The following APBB2 variants were observed in gnomAD, a reference collection of about 807,000 sequenced individuals.
APBB2 encodes Fe65-like 1.
Under a neutral mutation model 82.5 loss-of-function variants are expected in APBB2, and 38 were observed. The observed-to-expected ratio is 0.46, with a 90% CI of 0.36 to 0.60. The LOEUF is 0.60. Ranked by LOEUF, APBB2 falls within the 20% of genes least tolerant of loss-of-function variation. The pLI, the probability that APBB2 is intolerant of heterozygous loss-of-function variation, is 0.00. For missense variants in APBB2, 772 were observed against 972.3 expected, an observed-to-expected ratio of 0.79 and a Z score of 2.74; for synonymous variants, 341 against 368.2, an observed-to-expected ratio of 0.93 and a Z score of 0.85.
intron 5 of APBB2, among the ~76,000 whole-genome samples, chr4:41,017,791 A>T (rs993954164): frequency 6.6e-6 from 1 of 152,222 alleles, no homozygotes; most frequent in Non-Finnish European, 1.5e-5. Flanking sequence ...GAGAGGAAAG[A>T]GACTAAGAAG....
At chr4:40,958,257 G>A (rs752961425) in intron 6 of APBB2, among the ~76,000 whole-genome samples, 6 of 152,110 alleles carry the variant, frequency 3.9e-5, no homozygotes, top group Admixed American at 2.0e-4. Flanking sequence ...TTTCTAACTA[G>A]TGATATTAAA....
chr4:40,954,051 C>T (rs990882472), intron 6 of APBB2, among the ~76,000 whole-genome samples: 8 of 152,136 alleles, frequency 5.3e-5, no homozygotes, highest in African/African-American at 1.7e-4. Flanking sequence ...CCACCTCAGG[C>T]GCCAGGGCTA....
chr4:40,830,493 A>T lies in APBB2; in HGVS notation c.1614T>A (p.Ile538=). The change falls in exon 13 of 18, where the codon ATT becomes ATA. Residue 538 remains isoleucine, a synonymous_variant. Coordinates refer to ENST00000508593, the MANE Select transcript of APBB2 (RefSeq NM_004307.2). ...AGCAGATCTCGTGGAGACTTGTGGCAATGGCTTTTGCTGGTGTGTCACATC... is the reference window on the plus strand; with the variant it reads ...AGCAGATCTCGTGGAGACTTGTGGCTATGGCTTTTGCTGGTGTGTCACATC... ...VFRCDTPAKA[I]ATSLHEICSK... 2 of 1,614,136 alleles carry T rather than the reference A, an allele frequency of 1.2e-6. No individual in the cohort carries two copies. Among genetic ancestry groups the T allele is most frequent in the Non-Finnish European group, 1.7e-6 (2 of 1,179,994 alleles).
At position 40,979,180 on chromosome 4, in the gene APBB2, A is replaced by C. The variant is rs116581022; in HGVS notation, c.836-34107T>G. ...TCTGCTTAACAACATGTCTCAAAAA[A>C]GCTGTATAATAGAATCTGTACAATT... On this transcript the variant is annotated intron_variant, in intron 6 of 17. Transcript: ENST00000508593. Among the ~76,000 whole-genome samples the C allele has an allele frequency of 2.7e-3, 411 of 152,314 alleles. 3 individuals are homozygous for C. The highest frequency in any genetic ancestry group is 9.3e-3 in the African/African-American group (385 of 41,588).
At chr4:41,138,573 T>C (rs1474066828) in intron 2 of APBB2, among the ~76,000 whole-genome samples, 2 of 152,148 alleles carry the variant, frequency 1.3e-5, no homozygotes, top group Non-Finnish European at 2.9e-5. Flanking sequence ...AAAGAAGATA[T>C]AGGAGTGACT....
chr4:40,976,347 T>C (rs916387136), intron 6 of APBB2, among the ~76,000 whole-genome samples: 4 of 152,232 alleles, frequency 2.6e-5, no homozygotes, highest in African/African-American at 9.6e-5. Context: ...TTATGTGCAA[T>C]GTATAATTTA....
At chr4:41,144,439 T>A (rs1398655873) in intron 1 of APBB2, among the ~76,000 whole-genome samples, 1 of 152,246 alleles carries the variant, frequency 6.6e-6, no homozygotes, top group Non-Finnish European at 1.5e-5. Flanking sequence ...TGGAAAGCTA[T>A]TTGTATTTTC....
chr4:41,061,210 G>T (rs1729710810), intron 4 of APBB2, among the ~76,000 whole-genome samples: 1 of 152,176 alleles, frequency 6.6e-6, no homozygotes, highest in Admixed American at 6.5e-5. Flanking sequence ...GGAATGGATA[G>T]GTACAGACAA....
At chr4:40,864,196 G>A (rs1763490531) in intron 12 of APBB2, among the ~76,000 whole-genome samples, 1 of 152,162 alleles carries the variant, frequency 6.6e-6, no homozygotes, top group African/African-American at 2.4e-5. Flanking sequence ...AGAGGTTGGA[G>A]TGAGCTGAGA....
chr4:41,167,035 G>A lies in APBB2; in HGVS notation c.-416-23893C>T, dbSNP rs572531082. Among the ~76,000 whole-genome samples, 12 of 152,202 alleles carry A rather than the reference G, an allele frequency of 7.9e-5. No individual in the cohort carries two copies. The South Asian group carries it at 8.3e-4, about 11-fold the overall frequency. ...GGGGTTTCCACATAAGCCCTCCCAC[G>A]TTCAATAATTCACTAGGTTGGCTCA... On this transcript the variant is annotated intron_variant, in intron 1 of 17. Coordinates refer to ENST00000508593, the MANE Select transcript of APBB2 (RefSeq NM_004307.2).
intron 2 of APBB2, among the ~76,000 whole-genome samples, chr4:41,137,249 A>T (rs183091127): frequency 6.6e-6 from 1 of 152,352 alleles, no homozygotes; most frequent in East Asian, 1.9e-4. Context: ...ACTTGAAATA[A>T]TATGCCAGCC....
At chr4:40,924,407 G>C (rs1317354874) in intron 10 of APBB2, among the ~76,000 whole-genome samples, 1 of 152,192 alleles carries the variant, frequency 6.6e-6, no homozygotes, top group African/African-American at 2.4e-5. Context: ...TCCTTGTAAC[G>C]TGAACTTGCC....
At chr4:40,906,417 A>G (rs1380683496) in intron 10 of APBB2, among the ~76,000 whole-genome samples, 1 of 134,376 alleles carries the variant, frequency 7.4e-6, no homozygotes, top group Non-Finnish European at 1.5e-5. Context: ...CAGTGAGCTG[A>G]GGTGCGCCAC....
chr4:41,161,651 G>A (rs564187510), intron 1 of APBB2, among the ~76,000 whole-genome samples: 88 of 152,170 alleles, frequency 5.8e-4, no homozygotes, highest in South Asian at 5.2e-3. Context: ...CCAGACACCA[G>A]GGACAATGAG....
At chr4:40,983,165 G>A (rs1461835542) in intron 6 of APBB2, among the ~76,000 whole-genome samples, 1 of 152,194 alleles carries the variant, frequency 6.6e-6, no homozygotes, top group Non-Finnish European at 1.5e-5. Flanking sequence ...CCAGGGAAAT[G>A]AGGAACAGGG....
chr4:40,947,311 T>C (rs1364738005), intron 6 of APBB2, among the ~76,000 whole-genome samples: 3 of 152,230 alleles, frequency 2.0e-5, no homozygotes, highest in Non-Finnish European at 2.9e-5. Context: ...ACAAAGAAGC[T>C]GCCAGTTACC....
intron 3 of APBB2, among the ~76,000 whole-genome samples, chr4:41,096,194 G>T (rs114498625): frequency 6.6e-6 from 1 of 152,298 alleles, no homozygotes; most frequent in African/African-American, 2.4e-5. Flanking sequence ...CATACCTACA[G>T]CATTCTTGAA....
chr4:40,861,175 A>C (rs1762659160), intron 12 of APBB2, among the ~76,000 whole-genome samples: 2 of 152,090 alleles, frequency 1.3e-5, no homozygotes, highest in South Asian at 2.1e-4. Flanking sequence ...ACATGGTGGA[A>C]CCCTGTCTCT....
At chr4:41,037,626 AT>A (rs937335874) in intron 4 of APBB2, among the ~76,000 whole-genome samples, 4 of 152,166 alleles carry the variant, frequency 2.6e-5, no homozygotes, top group Admixed American at 6.6e-5. Flanking sequence ...CTAGTACCAC[AT>A]TTTTTAACGT....
Sources: gnomAD v4.1 joint callset for allele counts (sites outside exome capture counted in the v4.1 genomes callset) on GRCh38, gnomAD v4.1.1 for gene constraint, MANE v1.5 for transcripts, NCBI Gene and HGNC (gene_info 2026-07-23, HGNC 2026-07-21) for gene names.